The following CAMK4 variants were observed in gnomAD, a reference collection of about 807,000 sequenced individuals.
CAMK4 encodes the protein calcium/calmodulin-dependent protein kinase type IV.
CAMK4 carries 22 observed loss-of-function variants against 44.9 expected under a neutral mutation model. The ratio of observed to expected loss-of-function variants is 0.49; its 90% CI spans 0.35 to 0.70. The LOEUF is 0.70. Ranked by LOEUF, CAMK4 falls within the 30% of genes least tolerant of loss-of-function variation. The pLI is 0.01. For synonymous variants in CAMK4, 218 were observed against 215.4 expected, an observed-to-expected ratio of 1.01 and a Z score of -0.11; for missense variants, 498 against 586.8, an observed-to-expected ratio of 0.85 and a Z score of 1.56.
chr5:111,452,141 G>A (rs1010303158), intron 7 of CAMK4, among the ~76,000 whole-genome samples: 1 of 152,224 alleles, frequency 6.6e-6, no homozygotes, highest in Non-Finnish European at 1.5e-5. Context: ...TGGCCACAGG[G>A]CATTCTTTGT....
chr5:111,437,924 A>G (rs1196141888), intron 5 of CAMK4, among the ~76,000 whole-genome samples: 1 of 152,114 alleles, frequency 6.6e-6, no homozygotes, highest in African/African-American at 2.4e-5. Flanking sequence ...TTATGTAAAG[A>G]GTAGTGTGTA....
At position 111,494,827 on chromosome 5, in the gene CAMK4, G is replaced by A. The variant is rs1159523893; in HGVS notation, c.*10361G>A. On this transcript the variant is annotated 3_prime_UTR_variant, in exon 11 of 11. Transcript: ENST00000282356. Reference sequence around the variant, plus strand: ...AAAGAAGCCTATATCTTGCTGCTGGGAAATGTAAAGCAGTTGGCATGTAGA... The same window carrying A: ...AAAGAAGCCTATATCTTGCTGCTGGAAAATGTAAAGCAGTTGGCATGTAGA... 1 of 152,148 alleles carries A rather than the reference G, an allele frequency of 6.6e-6. No individual in the cohort carries two copies. The highest frequency in any genetic ancestry group is 1.5e-5 in the Non-Finnish European group (1 of 68,022). 9.4% of individuals were successfully genotyped at this position (152,148 alleles called of 1,614,324 possible).
At chr5:111,225,742 C>T (rs886448186) in intron 1 of CAMK4, among the ~76,000 whole-genome samples, 1 of 152,114 alleles carries the variant, frequency 6.6e-6, no homozygotes, top group East Asian at 1.9e-4. Context: ...ATGATCACTG[C>T]CCACTCTCCC....
At chr5:111,322,644 A>G (rs563468723) in intron 1 of CAMK4, among the ~76,000 whole-genome samples, 37 of 152,164 alleles carry the variant, frequency 2.4e-4, no homozygotes, top group African/African-American at 7.7e-4. Flanking sequence ...GTGACCTAGA[A>G]TCAGGGTGGG....
At chr5:111,383,387 G>A (rs1049607646) in intron 4 of CAMK4, among the ~76,000 whole-genome samples, 1 of 152,220 alleles carries the variant, frequency 6.6e-6, no homozygotes. Flanking sequence ...GGACTGAGAT[G>A]TAATTGTACC....
intron 1 of CAMK4, among the ~76,000 whole-genome samples, chr5:111,242,374 G>A (rs1749040336): frequency 6.6e-6 from 1 of 152,090 alleles, no homozygotes; most frequent in South Asian, 2.1e-4. Context: ...ATCGTACCTA[G>A]TATATTTCAC....
intron 7 of CAMK4, among the ~76,000 whole-genome samples, chr5:111,456,291 GGA>G (rs1754410768): frequency 1.3e-5 from 2 of 151,958 alleles, no homozygotes. Flanking sequence ...CATGAGGTCA[GGA>G]GATCGAGACC....
intron 1 of CAMK4, among the ~76,000 whole-genome samples, chr5:111,233,929 C>A (rs1748590290): frequency 1.3e-5 from 2 of 152,086 alleles, no homozygotes; most frequent in South Asian, 4.1e-4. Flanking sequence ...ATGTGTAATA[C>A]AATGAGGTGC....
chr5:111,266,232 A>G (rs10057821), intron 1 of CAMK4: 37,057 of 150,872 alleles, frequency 0.25, 5,184 homozygotes, highest in African/African-American at 0.38. Flanking sequence ...ACACACACAC[A>G]CACACACACA....
At chr5:111,473,260 T>C (rs772987229) in intron 7 of CAMK4, 51 bp from the exon 8 acceptor site, 1 of 1,161,082 alleles carries the variant, frequency 8.6e-7, no homozygotes, top group South Asian at 1.2e-5. Flanking sequence ...GATATTAAAA[T>C]ATAAATATTG....
rs1179403198 is a variant in CAMK4 at position 111,485,528 on chromosome 5, C to CT, written c.*1069dup. ...GAAAACATTATTGTTTATCAAAGCTCTTTTTTTATCCAATTGATGGTTATC... is the reference window on the plus strand; with the variant it reads ...GAAAACATTATTGTTTATCAAAGCTCTTTTTTTTATCCAATTGATGGTTATC... On this transcript the variant is annotated 3_prime_UTR_variant, in exon 11 of 11. Coordinates refer to ENST00000282356, the MANE Select transcript of CAMK4 (RefSeq NM_001744.6). 6.6e-6 allele frequency: 1 copy of CT among 151,790 alleles called. No homozygotes were observed. Among genetic ancestry groups the CT allele is most frequent in the African/African-American group, 2.4e-5 (1 of 41,344 alleles). The allele number at this position is 151,790 out of a possible 1,614,324, so 9.4% of individuals were successfully genotyped here.
At chr5:111,249,376 T>C (rs1483018490) in intron 1 of CAMK4, among the ~76,000 whole-genome samples, 1 of 151,786 alleles carries the variant, frequency 6.6e-6, no homozygotes, top group Non-Finnish European at 1.5e-5. Context: ...CTGAAAATGT[T>C]AAAAAATATA....
At chr5:111,283,321 T>A (rs1019517292) in intron 1 of CAMK4, among the ~76,000 whole-genome samples, 2 of 152,172 alleles carry the variant, frequency 1.3e-5, no homozygotes, top group Non-Finnish European at 2.9e-5. Flanking sequence ...ACTCTGTGCA[T>A]ATAGAAAGGA....
intron 2 of CAMK4, among the ~76,000 whole-genome samples, chr5:111,347,420 C>T (rs1160706135): frequency 3.3e-5 from 5 of 151,990 alleles, no homozygotes; most frequent in Admixed American, 2.6e-4. Context: ...GAATGACAAT[C>T]GTTTAAGCTA....
chr5:111,342,308 G>T (rs1283071658), intron 1 of CAMK4, among the ~76,000 whole-genome samples: 1 of 151,284 alleles, frequency 6.6e-6, no homozygotes, highest in Non-Finnish European at 1.5e-5. Context: ...CTGTTGTTAG[G>T]TGCACACATA....
intron 1 of CAMK4, among the ~76,000 whole-genome samples, chr5:111,329,152 A>T (rs562560057): frequency 4.4e-4 from 67 of 152,062 alleles, no homozygotes; most frequent in African/African-American, 1.6e-3. Context: ...GTAGATGCAG[A>T]AAAGGCCTTT....
chr5:111,405,438 A>C (rs1752386667), intron 5 of CAMK4, among the ~76,000 whole-genome samples: 1 of 152,206 alleles, frequency 6.6e-6, no homozygotes. Context: ...ACCGCACTCC[A>C]GTATGGCAAC....
chr5:111,236,803 C>T (rs1419907734), intron 1 of CAMK4, among the ~76,000 whole-genome samples: 1 of 152,198 alleles, frequency 6.6e-6, no homozygotes. Context: ...GCTTATTGGG[C>T]AGAGGAACCC....
At chr5:111,443,749 T>C (rs1308343423) in intron 5 of CAMK4, among the ~76,000 whole-genome samples, 2 of 152,212 alleles carry the variant, frequency 1.3e-5, no homozygotes, top group East Asian at 3.8e-4. Flanking sequence ...TCATTTGTCT[T>C]TGTTACTGTG....
Sources: gnomAD v4.1 joint callset for allele counts (sites outside exome capture counted in the v4.1 genomes callset) on GRCh38, gnomAD v4.1.1 for gene constraint, MANE v1.5 for transcripts, NCBI Gene and HGNC (gene_info 2026-07-23, HGNC 2026-07-21) for gene names.